The following XKR6 variants were observed in gnomAD, a reference collection of about 807,000 sequenced individuals.
XKR6 encodes the protein XK-related protein 6.
Under a neutral mutation model 56.7 loss-of-function variants are expected in XKR6, and 22 were observed. The ratio of observed to expected loss-of-function variants is 0.39; its 90% CI spans 0.28 to 0.55. The LOEUF (loss-of-function observed/expected upper bound fraction) is 0.55. Ranked by LOEUF, XKR6 falls within the 20% of genes least tolerant of loss-of-function variation. XKR6 has a pLI of 0.66. For synonymous variants in XKR6, 524 were observed against 387.8 expected (o/e 1.35, Z -4.13); for missense variants, 852 against 889.0 (o/e 0.96, Z 0.53).
At chr8:11,080,643 A>T (rs532822344) in intron 1 of XKR6, among the ~76,000 whole-genome samples, 21 of 152,352 alleles carry the variant, frequency 1.4e-4, no homozygotes, top group African/African-American at 4.8e-4. Flanking sequence ...CTGTCCAGCC[A>T]GTAGGCCAAG....
chr8:11,011,269 G>A (rs1413750318), intron 1 of XKR6, among the ~76,000 whole-genome samples: 2 of 152,206 alleles, frequency 1.3e-5, no homozygotes, highest in Non-Finnish European at 1.5e-5. Flanking sequence ...CACACAGCAC[G>A]CAGGAGAGGC....
At chr8:10,950,836 G>A (rs1205825338) in intron 1 of XKR6, among the ~76,000 whole-genome samples, 2 of 152,168 alleles carry the variant, frequency 1.3e-5, no homozygotes, top group Non-Finnish European at 2.9e-5. Context: ...CTTGCTAGAA[G>A]TTTCTCAGAT....
intron 1 of XKR6, among the ~76,000 whole-genome samples, chr8:11,060,404 C>T (rs189872450): frequency 6.6e-6 from 1 of 152,332 alleles, no homozygotes; most frequent in East Asian, 1.9e-4. Context: ...AAACCTAGAG[C>T]CCCTGCCTCC....
At chr8:11,114,750 T>C (rs1386121805) in intron 1 of XKR6, among the ~76,000 whole-genome samples, 5 of 137,406 alleles carry the variant, frequency 3.6e-5, no homozygotes, top group African/African-American at 1.3e-4. Context: ...TGTGTGTGTG[T>C]GTGTGTGTGT....
chr8:10,931,816 G>C (rs1007422101), intron 1 of XKR6, among the ~76,000 whole-genome samples: 2 of 146,322 alleles, frequency 1.4e-5, no homozygotes, highest in African/African-American at 2.6e-5. Context: ...GACAGCAAAG[G>C]CATGATCCAT....
intron 1 of XKR6, among the ~76,000 whole-genome samples, chr8:11,071,731 G>C (rs916617021): frequency 2.0e-5 from 3 of 152,184 alleles, no homozygotes; most frequent in Non-Finnish European, 2.9e-5. Flanking sequence ...TATGTTGTTT[G>C]TTATGATGGT....
At chr8:11,058,981 C>T (rs1799757224) in intron 1 of XKR6, among the ~76,000 whole-genome samples, 1 of 152,262 alleles carries the variant, frequency 6.6e-6, no homozygotes, top group South Asian at 2.1e-4. Flanking sequence ...GGGATTATCC[C>T]CGCTTTACAG....
intron 2 of XKR6, among the ~76,000 whole-genome samples, chr8:10,922,286 A>C (rs1462000189): frequency 6.6e-6 from 1 of 152,368 alleles, no homozygotes; most frequent in South Asian, 2.1e-4. Flanking sequence ...GTCCCTCTCC[A>C]GTGCCAGCAA....
At chr8:10,902,440 C>T (rs990391811) in intron 2 of XKR6, among the ~76,000 whole-genome samples, 11 of 152,164 alleles carry the variant, frequency 7.2e-5, no homozygotes, top group African/African-American at 9.7e-5. Flanking sequence ...TGAGAACCAC[C>T]GGCCATCTCT....
rs902691589 is a variant in XKR6, at chr8:11,035,354, G to C, written c.765-110524C>G. ...GCCCCCACTGGCCATGCAGGAGCCA[G>C]GAGATCAAATCATGAATGGGGCTCT... is the stretch of plus-strand genomic sequence containing the variant. On this transcript the variant is annotated intron_variant, in intron 1 of 2. Coordinates refer to ENST00000416569, the MANE Select transcript of XKR6 (RefSeq NM_173683.4). The C allele has an allele frequency of 2.1e-5, 11 of 534,050 alleles. No homozygotes were observed. The East Asian group carries it at 6.0e-4, about 29-fold the overall frequency. 33.1% of individuals were successfully genotyped at this position (534,050 alleles called of 1,614,324 possible).
intron 1 of XKR6, among the ~76,000 whole-genome samples, chr8:11,020,620 T>G (rs1798729110): frequency 6.6e-6 from 1 of 152,206 alleles, no homozygotes; most frequent in Non-Finnish European, 1.5e-5. Flanking sequence ...CCCCAGCCCC[T>G]AAGAGCTTCC....
At chr8:10,924,456 G>C (rs1333860047) in intron 2 of XKR6, among the ~76,000 whole-genome samples, 178 bp downstream of exon 2, 1 of 152,268 alleles carries the variant, frequency 6.6e-6, no homozygotes, top group African/African-American at 2.4e-5. Flanking sequence ...TGCCTGTGCA[G>C]CTCTTGAGTG....
At chr8:11,184,863 A>G (rs75721417) in intron 1 of XKR6, among the ~76,000 whole-genome samples, 3,324 of 152,284 alleles carry the variant, frequency 0.022, 115 homozygotes, top group African/African-American at 0.077. Flanking sequence ...ATCTGAATCC[A>G]TCCCCAGGGG....
In XKR6 at chr8:11,177,916, C is replaced by G. The variant is rs149413099; in HGVS notation, c.764+22660G>C. Among the ~76,000 whole-genome samples, 708 of 152,348 alleles carry G rather than the reference C, an allele frequency of 4.6e-3. 2 individuals are homozygous for G. The highest frequency in any genetic ancestry group is 0.016 in the African/African-American group (682 of 41,584). On this transcript the variant is annotated intron_variant, in intron 1 of 2. Transcript: ENST00000416569. ...CCCAGGAGAAAACTCACACAGTGAGCTAATGTCCTGCTCCACCTAAGCCCC... is the reference window on the plus strand; with the variant it reads ...CCCAGGAGAAAACTCACACAGTGAGGTAATGTCCTGCTCCACCTAAGCCCC...
At chr8:10,978,825 T>C (rs1797656503) in intron 1 of XKR6, among the ~76,000 whole-genome samples, 2 of 152,152 alleles carry the variant, frequency 1.3e-5, no homozygotes, top group South Asian at 2.1e-4. Context: ...GTCATTCTTC[T>C]CCCTTGGAAA....
chr8:11,194,027 C>T (rs1171222758), intron 1 of XKR6, among the ~76,000 whole-genome samples: 1 of 152,140 alleles, frequency 6.6e-6, no homozygotes, highest in Non-Finnish European at 1.5e-5. Flanking sequence ...ACATAGGTGA[C>T]ACAAAATGAG....
At position 10,990,774 on chromosome 8, in the gene XKR6, G is replaced by C. The variant is rs180814782; in HGVS notation, c.765-65944C>G. Among the ~76,000 whole-genome samples the C allele has an allele frequency of 4.3e-4, 66 of 151,790 alleles. 1 individual carries two copies. The highest frequency in any genetic ancestry group is 1.4e-3 in the African/African-American group (58 of 41,344). ...TTTAAATTTTTTTTTGTAGAGACGA[G>C]ATTTTGTCCTGCTTCCCAGGCTGGT... On this transcript the variant is annotated intron_variant, in intron 1 of 2. Transcript: ENST00000416569.
chr8:11,175,428 A>C (rs1585019043), intron 1 of XKR6: 1 of 173,716 alleles, frequency 5.8e-6, no homozygotes, highest in Non-Finnish European at 1.3e-5. Context: ...GGCTGGACTA[A>C]CCCATACGTG....
At chr8:11,127,210 G>C (rs1481765378) in intron 1 of XKR6, among the ~76,000 whole-genome samples, 1 of 152,132 alleles carries the variant, frequency 6.6e-6, no homozygotes, top group Non-Finnish European at 1.5e-5. Context: ...GATTCAGCTG[G>C]CCTTGGAGGT....
Sources: gnomAD v4.1 joint callset for allele counts (sites outside exome capture counted in the v4.1 genomes callset) on GRCh38, gnomAD v4.1.1 for gene constraint, MANE v1.5 for transcripts, NCBI Gene and HGNC (gene_info 2026-07-23, HGNC 2026-07-21) for gene names.